Variants in DACH1 observed in about 807,000 individuals in gnomAD.
DACH1 encodes dachshund family transcription factor 1.
DACH1 carries 12 observed loss-of-function variants against 54.2 expected under a neutral mutation model. The ratio of observed to expected loss-of-function variants is 0.22; its 90% confidence interval spans 0.14 to 0.36. The LOEUF is 0.36. Ranked by LOEUF, DACH1 falls within the 10% of genes least tolerant of loss-of-function variation. The pLI is 1.00. For missense variants in DACH1, 805 were observed against 929.8 expected (o/e 0.87, Z 1.75); for synonymous variants, 386 against 366.2 (o/e 1.05, Z -0.62).
chr13:71,704,524 G>A (rs1246208515), intron 1 of DACH1: 2 of 391,354 alleles, frequency 5.1e-6, no homozygotes, highest in African/African-American at 4.3e-5. Context: ...GTAACAGAAG[G>A]AAGCCAAAGA....
chr13:71,636,464 T>G (rs1315728390), intron 2 of DACH1, among the ~76,000 whole-genome samples: 2 of 151,864 alleles, frequency 1.3e-5, no homozygotes, highest in Admixed American at 6.6e-5. Context: ...TAGCTAGAGA[T>G]GCTTTATAAT....
chr13:71,609,886 G>C (rs961350145), intron 3 of DACH1, among the ~76,000 whole-genome samples: 1 of 152,064 alleles, frequency 6.6e-6, no homozygotes, highest in African/African-American at 2.4e-5. Flanking sequence ...ACCCATTCTG[G>C]ATGGTAGTCA....
chr13:71,572,180 G>C (rs188412856), intron 4 of DACH1, among the ~76,000 whole-genome samples: 1 of 152,006 alleles, frequency 6.6e-6, no homozygotes, highest in East Asian at 1.9e-4. Context: ...AAAATATTTT[G>C]ATTTAAGTAC....
chr13:71,809,108 T>C (rs574101347), intron 1 of DACH1, among the ~76,000 whole-genome samples: 12 of 152,298 alleles, frequency 7.9e-5, no homozygotes, highest in African/African-American at 1.9e-4. Context: ...GTCATTTTGG[T>C]TCTTAGTAAT....
chr13:71,636,605 TGAGA>T, intron 2 of DACH1, among the ~76,000 whole-genome samples: 1 of 150,232 alleles, frequency 6.7e-6, no homozygotes, highest in Non-Finnish European at 1.5e-5. Flanking sequence ...AAAAATGGAT[TGAGA>T]AAGGTTTCTT....
intron 1 of DACH1, among the ~76,000 whole-genome samples, chr13:71,698,781 A>G (rs1368326777): frequency 2.0e-5 from 3 of 151,990 alleles, no homozygotes; most frequent in African/African-American, 7.3e-5. Context: ...GCAATATGTT[A>G]TTAAATCTTT....
intron 10 of DACH1, among the ~76,000 whole-genome samples, chr13:71,442,114 T>A (rs1371663675): frequency 1.3e-5 from 2 of 152,106 alleles, no homozygotes; most frequent in Non-Finnish European, 2.9e-5. Context: ...TGTTGTGCTA[T>A]CAAATGTTAG....
At chr13:71,569,533 A>T (rs533972271) in intron 4 of DACH1, among the ~76,000 whole-genome samples, 2 of 152,294 alleles carry the variant, frequency 1.3e-5, no homozygotes, top group South Asian at 4.1e-4. Context: ...CATGAAAACC[A>T]GCAGCAGAAT....
At chr13:71,820,209 G>C (rs1888131352) in intron 1 of DACH1, among the ~76,000 whole-genome samples, 6 of 151,446 alleles carry the variant, frequency 4.0e-5, no homozygotes. Context: ...AGACAGTCCA[G>C]TGCATCTACT....
rs536087007 is a variant in DACH1 at position 71,599,037 on chromosome 13, G to C, written c.1127-26025C>G. Among the ~76,000 whole-genome samples the C allele has an allele frequency of 2.0e-5, 3 of 152,130 alleles. No individual in the cohort carries two copies. The East Asian group carries it at 5.8e-4, about 29-fold the overall frequency. The stretch of plus-strand genomic sequence containing the variant: ...AATCTCTTATTTATATAAGGGTATA[G>C]CTCTAAACATGTCATTTTTCTAAAC... On this transcript the variant is annotated intron_variant, in intron 3 of 10. Transcript: ENST00000613252.
chr13:71,592,675 G>A (rs934869146), intron 3 of DACH1, among the ~76,000 whole-genome samples: 4 of 151,884 alleles, frequency 2.6e-5, no homozygotes, highest in African/African-American at 9.7e-5. Flanking sequence ...AATACAGTAT[G>A]AGCATTACAA....
rs1352359215 is a variant in DACH1 at position 71,796,601 on chromosome 13, C to G, written c.848+69321G>C. ...CATGTTTATGATAAAAAGTGTCTCA[C>G]TTGGCCGGTAAGCAAACAAAAAATA... is the stretch of plus-strand genomic sequence containing the variant. On this transcript the variant is annotated intron_variant, in intron 1 of 10. Transcript: ENST00000613252. Among the ~76,000 whole-genome samples the G allele has an allele frequency of 3.9e-5, 6 of 152,064 alleles. No homozygotes were observed. The East Asian group carries it at 1.2e-3, about 29-fold the overall frequency.
At chr13:71,679,550 GTTTACT>G (rs1880770604) in intron 2 of DACH1, among the ~76,000 whole-genome samples, 1 of 151,390 alleles carries the variant, frequency 6.6e-6, no homozygotes, top group African/African-American at 2.4e-5. Context: ...GTCAACACAA[GTTTACT>G]AAATACAGAA....
intron 2 of DACH1, among the ~76,000 whole-genome samples, chr13:71,646,003 A>T (rs1423130923): frequency 6.6e-6 from 1 of 152,128 alleles, no homozygotes; most frequent in Non-Finnish European, 1.5e-5. Flanking sequence ...TGAGACTGGA[A>T]TATACTCTTT....
chr13:71,785,371 C>G (rs1287018020), intron 1 of DACH1, among the ~76,000 whole-genome samples: 1 of 152,114 alleles, frequency 6.6e-6, no homozygotes, highest in Non-Finnish European at 1.5e-5. Context: ...ATTTAAAAAG[C>G]ACTATCCTGA....
At chr13:71,619,002 T>C (rs1317946019) in intron 3 of DACH1, among the ~76,000 whole-genome samples, 2 of 151,738 alleles carry the variant, frequency 1.3e-5, no homozygotes, top group East Asian at 3.9e-4. Context: ...TAGGTGTGAA[T>C]ACATATTTAA....
chr13:71,590,137 T>C (rs575801829), intron 3 of DACH1, among the ~76,000 whole-genome samples: 1 of 152,202 alleles, frequency 6.6e-6, no homozygotes, highest in Admixed American at 6.5e-5. Flanking sequence ...TAAAGCATTC[T>C]TGGGTTCACA....
intron 10 of DACH1, among the ~76,000 whole-genome samples, chr13:71,470,706 A>C (rs2138161206): frequency 6.6e-6 from 1 of 152,286 alleles, no homozygotes; most frequent in Non-Finnish European, 1.5e-5. Context: ...TCAGAACATT[A>C]AGGATCTTCA....
intron 2 of DACH1, among the ~76,000 whole-genome samples, chr13:71,654,458 G>GTAAAGTAAAGTAAAGTAAAGTAAAA (rs1566409141): frequency 5.6e-5 from 4 of 71,290 alleles, no homozygotes; most frequent in African/African-American, 1.6e-4. Context: ...ATAAAATAAA[G>GTAAAGTAAAGTAAAGTAAAGTAAAA]TAAAATAAAA....
Sources: allele counts gnomAD v4.1 joint callset (sites outside exome capture counted in the v4.1 genomes callset), GRCh38; gene constraint gnomAD v4.1.1; transcripts MANE v1.5; gene names NCBI Gene and HGNC (gene_info 2026-07-23, HGNC 2026-07-21).